The following ASB14 variants were observed in gnomAD, a reference collection of about 807,000 sequenced individuals.
The protein encoded by ASB14 is ankyrin repeat and SOCS box containing 14.
Under a neutral mutation model 55.6 loss-of-function variants are expected in ASB14, and 63 were observed. The observed-to-expected ratio is 1.13, with a 90% CI of 0.92 to 1.40. ASB14 has a LOEUF of 1.40. Among genes scored for constraint, ASB14 ranks in the 40% most tolerant of loss-of-function variants. The pLI is 0.00. For synonymous variants in ASB14, 256 were observed against 259.9 expected, an observed-to-expected ratio of 0.98 and a Z score of 0.15; for missense variants, 724 against 710.4, an observed-to-expected ratio of 1.02 and a Z score of -0.22.
At position 57,280,780 on chromosome 3, in the gene ASB14, A is replaced by G. The variant is rs797015383; in HGVS notation, c.716-307T>C. On this transcript the variant is annotated intron_variant, in intron 6 of 10. Transcript: ENST00000487349. Reference sequence around the variant, plus strand: ...TTATAAAAGTTGCTTTTATTTCTAGACCAGCCTATAAAAGCCCACTTAACT... The same window carrying G: ...TTATAAAAGTTGCTTTTATTTCTAGGCCAGCCTATAAAAGCCCACTTAACT... Among the ~76,000 whole-genome samples the G allele has an allele frequency of 2.6e-5, 4 of 152,298 alleles. No individual in the cohort carries two copies. In the South Asian group the frequency reaches 8.3e-4, roughly 32 times the overall value.
intron 10 of ASB14, chr3:57,273,417 GA>G (rs1440311152): frequency 2.0e-5 from 3 of 152,484 alleles, no homozygotes; most frequent in Non-Finnish European, 4.4e-5. Context: ...GTTGTTAGAA[GA>G]TTTTTTAATG....
rs1467153985 is a variant in ASB14 at position 57,276,635 on chromosome 3, A to T, written c.1679T>A (p.Leu560His). The T allele has an allele frequency of 1.9e-6, 3 of 1,613,818 alleles. No individual in the cohort carries two copies. Among genetic ancestry groups the T allele is most frequent in the Non-Finnish European group, 2.5e-6 (3 of 1,179,798 alleles). ...TGCTTTTAGACGATTGGGTAATGGA[A>T]GAAATGACATGAAGACAGGGCAGCG... ...HLRCPVFMSF[L>H]PLPNRLKAYV... The change falls in exon 10 of 11, where the codon CTT becomes CAT. Residue 560 changes from leucine to histidine, a missense_variant. Transcript: ENST00000487349.
intron 2 of ASB14, among the ~76,000 whole-genome samples, chr3:57,291,432 C>G (rs2061127350): frequency 6.6e-6 from 1 of 151,806 alleles, no homozygotes; most frequent in Non-Finnish European, 1.5e-5. Flanking sequence ...TCAGTGTTGT[C>G]CAACAAAACT....
At chr3:57,277,449 C>T (rs1204083410) in intron 9 of ASB14, among the ~76,000 whole-genome samples, 1 of 152,080 alleles carries the variant, frequency 6.6e-6, no homozygotes, top group Non-Finnish European at 1.5e-5. Flanking sequence ...AGCTTTTTCT[C>T]ATCCTTGTTT....
chr3:57,292,080 AT>A lies in ASB14; in HGVS notation c.-48del, dbSNP rs763087395. The A allele has an allele frequency of 3.9e-4, 588 of 1,512,362 alleles. No homozygotes were observed. The highest frequency in any genetic ancestry group is 5.1e-4 in the Middle Eastern group (3 of 5,854). 93.7% of individuals were successfully genotyped at this position (1,512,362 alleles called of 1,614,324 possible). A position where few individuals can be genotyped will look rare whatever the true frequency, so the allele number is the denominator to read the frequency against. ...TTTAAAGTCAGAGTGAATTAAAAGT[AT>A]TTTTCCAGTTGTGAAGAGATCAACT... On this transcript the variant is annotated 5_prime_UTR_variant, in exon 2 of 11. Transcript: ENST00000487349.
intron 2 of ASB14, among the ~76,000 whole-genome samples, chr3:57,291,304 A>G (rs1191954248): frequency 6.6e-6 from 1 of 151,524 alleles, no homozygotes; most frequent in African/African-American, 2.4e-5. Flanking sequence ...CCCTGAAAAA[A>G]TGATGGTTAC....
Position 57,292,108 on chromosome 3 carries a change from C to A in ASB14, c.-71-4G>T. Reference sequence around the variant, plus strand: ...TTTCCAGTTGTGAAGAGATCAACTGCTTAAAATTACAAATGAAATTCAGAA... The same window carrying A: ...TTTCCAGTTGTGAAGAGATCAACTGATTAAAATTACAAATGAAATTCAGAA... On this transcript the variant is annotated splice_region_variant and splice_polypyrimidine_tract_variant and intron_variant, in intron 1 of 10. Transcript: ENST00000487349. 1 of 1,281,320 alleles carries A rather than the reference C, an allele frequency of 7.8e-7. No individual in the cohort carries two copies. Among genetic ancestry groups the A allele is most frequent in the Non-Finnish European group, 1.0e-6 (1 of 994,044 alleles). 79.4% of individuals were successfully genotyped at this position (1,281,320 alleles called of 1,614,324 possible).
In ASB14 at chr3:57,278,737, C is replaced by A; in HGVS notation, c.1071G>T (p.Lys357Asn). 1 of 1,613,858 alleles carries A rather than the reference C, an allele frequency of 6.2e-7. No individual in the cohort carries two copies. Among genetic ancestry groups the A allele is most frequent in the Non-Finnish European group, 8.5e-7 (1 of 1,179,878 alleles). The change falls in exon 8 of 11, where the codon AAG (lysine) becomes AAT (asparagine). Residue 357 changes from lysine (K) to asparagine (N), a missense_variant. By Grantham distance (94) the Lys-to-Asn change is moderately conservative. Coordinates refer to ENST00000487349, the MANE Select transcript of ASB14 (RefSeq NM_001142733.3). The part of the protein sequence containing the change: ...RINKHYDDHR[K>N]SALYFAVSNS... ...TTGATACAGCAAAATACAAAGCTGA[C>A]TTCCTGTGGTCATCGTAGTGTTTGT...
Position 57,278,691 on chromosome 3 carries a change from TGACTG to T in ASB14, c.1112_1116del (p.Ser371Ter). On this transcript the variant is annotated frameshift_variant, in exon 8 of 11. Transcript: ENST00000487349. LOFTEE classifies it high-confidence loss of function. Reference sequence around the variant, plus strand: ...AGAGCTCCAGCACTCAGAAGCAGCTTGACTGAAGAGAGGTCACTGTTTGATACAGC... The same window carrying T: ...AGAGCTCCAGCACTCAGAAGCAGCTTAAGAGAGGTCACTGTTTGATACAGC... 1.2e-6 allele frequency: 2 copies of T among 1,614,162 alleles called. No individual in the cohort carries two copies. Among genetic ancestry groups the T allele is most frequent in the Middle Eastern group, 1.6e-4 (1 of 6,062 alleles).
rs1418103284 is a variant in ASB14, at chr3:57,268,415, AAAAC to A, written c.*1222_*1225del. On this transcript the variant is annotated 3_prime_UTR_variant, in exon 11 of 11. Coordinates refer to ENST00000487349, the MANE Select transcript of ASB14 (RefSeq NM_001142733.3). ...TTCTTTAGGATCGTAGGGCATCAGA[AAAAC>A]AAAAAGAAATAGAGAGAGTAAAAGA... The A allele has an allele frequency of 4.4e-6, 7 of 1,594,732 alleles. No individual in the cohort carries two copies. The highest frequency in any genetic ancestry group is 4.3e-6 in the Non-Finnish European group (5 of 1,169,378).
At chr3:57,280,195 A>T (rs1275612869) in intron 7 of ASB14, 107 bp downstream of exon 7, 26 of 428,172 alleles carry the variant, frequency 6.1e-5, no homozygotes, top group Non-Finnish European at 8.1e-5. Flanking sequence ...AAGTATGTTT[A>T]GATTGTGGGA....
chr3:57,269,717 G>A (rs747162922), intron 10 of ASB14, 99 bp from the exon 11 acceptor site: 9 of 1,608,198 alleles, frequency 5.6e-6, no homozygotes, highest in Non-Finnish European at 7.7e-6. Flanking sequence ...ATTCCCCCTT[G>A]GAATTTGACA....
chr3:57,292,159 A>G, intron 1 of ASB14, 55 bp from the exon 2 acceptor site: 1 of 1,112,534 alleles, frequency 9.0e-7, no homozygotes, highest in Non-Finnish European at 1.2e-6. Flanking sequence ...AGGATTAACA[A>G]TGAAAAATAT....
At chr3:57,279,715 A>G (rs1320785737) in intron 7 of ASB14, among the ~76,000 whole-genome samples, 1 of 152,070 alleles carries the variant, frequency 6.6e-6, no homozygotes, top group Non-Finnish European at 1.5e-5. Flanking sequence ...TATTATTAAA[A>G]TTATAGAAAG....
rs749648879 is a variant in ASB14, at chr3:57,279,928, G to A, written c.887+374C>T. On this transcript the variant is annotated intron_variant, in intron 7 of 10. Coordinates refer to ENST00000487349, the MANE Select transcript of ASB14 (RefSeq NM_001142733.3). ...TGGCAGCGGGGGTTGGGGGGGAACC[G>A]TGTTAATTACTCACACGATGTGCTG... Among the ~76,000 whole-genome samples, 13 of 152,140 alleles carry A rather than the reference G, an allele frequency of 8.5e-5. No homozygotes were observed. In the South Asian group the frequency reaches 1.0e-3, roughly 12 times the overall value.
chr3:57,282,596 C>T (rs1039386512), intron 6 of ASB14, among the ~76,000 whole-genome samples: 1 of 152,168 alleles, frequency 6.6e-6, no homozygotes, highest in African/African-American at 2.4e-5. Flanking sequence ...GGCTGACCCT[C>T]ACTTTCCTCA....
chr3:57,268,740 G>A lies in ASB14; in HGVS notation c.*901C>T, dbSNP rs552433976. ...GAACTTTAATATTTCAGAGGAGGTT[G>A]TCTCTGTCAAAGCAGTTGAGAGGCT... is the stretch of plus-strand genomic sequence containing the variant. On this transcript the variant is annotated 3_prime_UTR_variant, in exon 11 of 11. Coordinates refer to ENST00000487349, the MANE Select transcript of ASB14 (RefSeq NM_001142733.3). The A allele has an allele frequency of 2.8e-4, 65 of 234,944 alleles. No homozygotes were observed. The highest frequency in any genetic ancestry group is 1.4e-3 in the Middle Eastern group (1 of 696). The allele number at this position is 234,944 out of a possible 1,614,324, so 14.6% of individuals were successfully genotyped here.
intron 10 of ASB14, among the ~76,000 whole-genome samples, chr3:57,274,024 CCACT>C (rs1054500423): frequency 5.1e-4 from 77 of 151,888 alleles, no homozygotes; most frequent in East Asian, 2.3e-3. Flanking sequence ...ATATAATCTA[CCACT>C]CACTTACCAG....
At chr3:57,292,323 C>T (rs887478446) in intron 1 of ASB14, among the ~76,000 whole-genome samples, 6 of 152,192 alleles carry the variant, frequency 3.9e-5, no homozygotes, top group Non-Finnish European at 7.3e-5. Context: ...AATAAGACTT[C>T]GGTTAGTGCC....
Sources: gnomAD v4.1 joint callset for allele counts (sites outside exome capture counted in the v4.1 genomes callset) on GRCh38, gnomAD v4.1.1 for gene constraint, MANE v1.5 for transcripts, NCBI Gene and HGNC (gene_info 2026-07-23, HGNC 2026-07-21) for gene names.